ANXA8: variants seen among roughly 807,000 people sequenced by gnomAD.
ANXA8 encodes the protein VAC-beta.
ANXA8 carries 9 observed loss-of-function variants against 26.8 expected under a neutral mutation model. That is an observed-to-expected ratio of 0.34 (90% CI 0.20 to 0.59). The LOEUF (loss-of-function observed/expected upper bound fraction) is 0.59. Ranked by LOEUF, ANXA8 falls within the 20% of genes least tolerant of loss-of-function variation. The pLI is 0.84. For synonymous variants in ANXA8, 39 were observed against 94.8 expected (o/e 0.41, Z 3.42); for missense variants, 83 against 238.5 (o/e 0.35, Z 4.29).
chr10:47,957,260 G>A, the ANXA8 span, among the ~76,000 whole-genome samples: 196 of 150,554 alleles, frequency 1.3e-3, 19 homozygotes, highest in African/African-American at 4.4e-3. Flanking sequence ...CAACACACAC[G>A]TCAGTTGTGT....
the ANXA8 span, among the ~76,000 whole-genome samples, chr10:47,969,387 G>T: frequency 1.3e-5 from 2 of 150,546 alleles, no homozygotes; most frequent in African/African-American, 4.8e-5. Flanking sequence ...TTTATGATTT[G>T]CTTAGAGCAC....
At chr10:47,743,293 T>TACATATATATATACAC in the ANXA8 span, among the ~76,000 whole-genome samples, 1 of 64,884 alleles carries the variant, frequency 1.5e-5, no homozygotes, top group Admixed American at 1.8e-4. Context: ...CATATATATA[T>TACATATATATATACAC]ACACATATAT....
At chr10:47,501,079 T>C in the ANXA8 span, among the ~76,000 whole-genome samples, 1 of 145,582 alleles carries the variant, frequency 6.9e-6, no homozygotes, top group Non-Finnish European at 1.5e-5. Context: ...TTTTTTTGTA[T>C]TTTTAGCAGA....
chr10:47,636,680 C>G, the ANXA8 span, among the ~76,000 whole-genome samples: 5 of 151,686 alleles, frequency 3.3e-5, no homozygotes, highest in Admixed American at 6.6e-5. Flanking sequence ...AAGAATTCAG[C>G]CTTTGAGCAG....
the ANXA8 span, among the ~76,000 whole-genome samples, chr10:47,685,880 A>T: frequency 4.7e-5 from 7 of 149,280 alleles, no homozygotes; most frequent in African/African-American, 1.7e-4. Flanking sequence ...AGGTTGCAGA[A>T]CATTTAGGAG....
chr10:47,571,427 G>A, the ANXA8 span, among the ~76,000 whole-genome samples: 27 of 149,192 alleles, frequency 1.8e-4, no homozygotes, highest in Middle Eastern at 6.8e-3. Context: ...CTCACTTCTC[G>A]GCAAACCTTC....
the ANXA8 span, among the ~76,000 whole-genome samples, chr10:47,676,139 A>G: frequency 1.3e-5 from 2 of 151,744 alleles, no homozygotes; most frequent in South Asian, 4.1e-4. Context: ...GAAAGAGAAA[A>G]GACAGAAAAA....
chr10:47,980,595 GA>G, the ANXA8 span, among the ~76,000 whole-genome samples: 1 of 150,718 alleles, frequency 6.6e-6, no homozygotes, highest in Admixed American at 6.6e-5. Flanking sequence ...AATGTATAGG[GA>G]ATTAAATTAT....
At chr10:47,581,786 T>C in the ANXA8 span, among the ~76,000 whole-genome samples, 22 of 150,378 alleles carry the variant, frequency 1.5e-4, no homozygotes, top group Non-Finnish European at 2.4e-4. Context: ...TATTTTTTTT[T>C]AGTAGAGACG....
the ANXA8 span, chr10:47,726,857 G>A: frequency 6.6e-7 from 1 of 1,524,156 alleles, no homozygotes. Flanking sequence ...GTTAATGACT[G>A]CCGTTGATGG....
At chr10:47,600,722 A>AT in the ANXA8 span, among the ~76,000 whole-genome samples, 3,734 of 134,516 alleles carry the variant, frequency 0.028, 192 homozygotes, top group African/African-American at 0.11. Context: ...AGTAAAATAG[A>AT]TTTTTTTTTC....
upstream of ANXA8, among the ~76,000 whole-genome samples, chr10:47,488,797 G>A (rs1190663634): frequency 2.2e-3 from 279 of 126,424 alleles, 2 homozygotes; most frequent in African/African-American, 7.3e-3. Context: ...TCGCGATCTC[G>A]GCTCACTGCA....
the ANXA8 span, among the ~76,000 whole-genome samples, chr10:47,515,695 G>A: frequency 7.2e-6 from 1 of 139,842 alleles, no homozygotes; most frequent in Admixed American, 7.3e-5. Context: ...AACTTTCTTT[G>A]CTAACTCTGC....
At chr10:47,663,301 T>G in the ANXA8 span, among the ~76,000 whole-genome samples, 4 of 148,584 alleles carry the variant, frequency 2.7e-5, no homozygotes, top group Non-Finnish European at 5.9e-5. Context: ...CACTGGTGAT[T>G]ATCAACTCAA....
At chr10:47,684,786 A>G in the ANXA8 span, among the ~76,000 whole-genome samples, 1 of 150,544 alleles carries the variant, frequency 6.6e-6, no homozygotes, top group Admixed American at 6.6e-5. Context: ...GGGTTTTACC[A>G]TGTTGGCCAG....
chr10:47,710,189 C>G, the ANXA8 span: 17 of 1,231,792 alleles, frequency 1.4e-5, no homozygotes, highest in Admixed American at 2.5e-5. Context: ...ATGTTGCCAT[C>G]TTTTGTCTGT....
chr10:47,526,153 T>C, the ANXA8 span, among the ~76,000 whole-genome samples: 1 of 127,004 alleles, frequency 7.9e-6, no homozygotes, highest in African/African-American at 3.1e-5. Context: ...GTTGCCCAGG[T>C]AGTGGCACAA....
chr10:47,974,433 G>A, the ANXA8 span, among the ~76,000 whole-genome samples: 1 of 147,310 alleles, frequency 6.8e-6, no homozygotes, highest in African/African-American at 2.4e-5. Flanking sequence ...ATTTTCTTCT[G>A]CTAGCTTTGG....
the ANXA8 span, among the ~76,000 whole-genome samples, chr10:47,700,300 T>C: frequency 6.6e-6 from 1 of 151,904 alleles, no homozygotes; most frequent in Non-Finnish European, 1.5e-5. Context: ...GATGCATGAA[T>C]AGACAAGTAG....
Sources: allele counts gnomAD v4.1 joint callset (sites outside exome capture counted in the v4.1 genomes callset), GRCh38; gene constraint gnomAD v4.1.1; transcripts MANE v1.5; gene names NCBI Gene and HGNC (gene_info 2026-07-23, HGNC 2026-07-21).